The following MATN3 variants were observed in gnomAD, a reference collection of about 807,000 sequenced individuals.
The protein encoded by MATN3 is matrilin 3, also known as matrilin-3.
Under a neutral mutation model 45.3 loss-of-function variants are expected in MATN3, and 48 were observed. That is an observed-to-expected ratio of 1.06 (90% CI 0.84 to 1.35). The LOEUF (loss-of-function observed/expected upper bound fraction) is 1.35, where lower values mean the gene tolerates loss of function less well. Among genes scored for constraint, MATN3 ranks in the 40% most tolerant of loss-of-function variants. MATN3 has a pLI of 0.00. For synonymous variants in MATN3, 217 were observed against 245.9 expected (o/e 0.88, Z 1.10); for missense variants, 599 against 628.0 (o/e 0.95, Z 0.49).
chr2:20,003,208 TCA>T lies in MATN3; in HGVS notation c.867_868del (p.Cys289Ter). 1 of 1,614,000 alleles carries T rather than the reference TCA, an allele frequency of 6.2e-7. No homozygotes were observed. The highest frequency in any genetic ancestry group is 2.2e-5 in the East Asian group (1 of 44,862). ...ATTCAAGGTGTATCCTTGGCTACAC[TCA>T]CAGTGGTGCTTGCCTTCCCCATCAC... On this transcript the variant is annotated stop_gained and frameshift_variant, in exon 3 of 8. Coordinates refer to ENST00000407540, the MANE Select transcript of MATN3 (RefSeq NM_002381.5). LOFTEE classifies it high-confidence loss of function.
chr2:20,009,748 C>A lies in MATN3; in HGVS notation c.223+2661G>T, dbSNP rs910139580. On this transcript the variant is annotated intron_variant, in intron 1 of 7. Coordinates refer to ENST00000407540, the MANE Select transcript of MATN3 (RefSeq NM_002381.5). ...TCAAAAGAACATTGGTCTTTACAGTCTTTTATCTTAACCTGAACATTTCCT... is the reference window on the plus strand; with the variant it reads ...TCAAAAGAACATTGGTCTTTACAGTATTTTATCTTAACCTGAACATTTCCT... Among the ~76,000 whole-genome samples the A allele has an allele frequency of 2.0e-5, 3 of 152,254 alleles. No individual in the cohort carries two copies. In the South Asian group the frequency reaches 6.2e-4, roughly 32 times the overall value.
intron 5 of MATN3, chr2:19,997,483 T>G: frequency 2.4e-6 from 1 of 421,992 alleles, no homozygotes; most frequent in Non-Finnish European, 4.2e-6. Flanking sequence ...TTTATATCTC[T>G]CACAGATATC....
chr2:20,000,221 C>T (rs1672958604), intron 5 of MATN3, among the ~76,000 whole-genome samples: 1 of 152,138 alleles, frequency 6.6e-6, no homozygotes, highest in South Asian at 2.1e-4. Context: ...TTTCTCATAT[C>T]CCCCACTCCC....
At chr2:20,007,664 G>T (rs1673135096) in intron 1 of MATN3, among the ~76,000 whole-genome samples, 1 of 152,136 alleles carries the variant, frequency 6.6e-6, no homozygotes, top group Non-Finnish European at 1.5e-5. Flanking sequence ...AACTCTCTTG[G>T]TCATCTCTCT....
intron 3 of MATN3, among the ~76,000 whole-genome samples, chr2:20,002,615 C>A (rs987539805): frequency 3.3e-5 from 5 of 152,038 alleles, no homozygotes; most frequent in Non-Finnish European, 1.5e-5. Flanking sequence ...TGTGTGGGTT[C>A]TGTTTTCTGA....
At chr2:19,997,097 C>T in intron 6 of MATN3, 37 bp downstream of exon 6, 1 of 1,604,322 alleles carries the variant, frequency 6.2e-7, no homozygotes, top group South Asian at 1.1e-5. Context: ...AAAAATTTTC[C>T]TACCAAAGGA....
intron 4 of MATN3, 92 bp downstream of exon 4, chr2:20,001,863 C>A: frequency 7.7e-7 from 1 of 1,292,642 alleles, no homozygotes; most frequent in Non-Finnish European, 1.1e-6. Context: ...GGAAAACACA[C>A]CAACTTCCCA....
chr2:20,010,066 C>CAAAAAAAAAAAAAAAAAA (rs1558376342), intron 1 of MATN3, among the ~76,000 whole-genome samples: 7 of 5,550 alleles, frequency 1.3e-3, no homozygotes, highest in East Asian at 0.021. Context: ...TCTTCAAATA[C>CAAAAAAAAAAAAAAAAAA]TAAAAAAAAA....
In MATN3 at chr2:20,000,569, G is replaced by T; in HGVS notation, c.1043-3C>A. The stretch of plus-strand genomic sequence containing the variant: ...ACCCAAAGCACATTTATCTTGAGCT[G>T]TGAAACAAAAAGTCAGGAGAAAAGA... On this transcript the variant is annotated splice_region_variant and splice_polypyrimidine_tract_variant and intron_variant, in intron 4 of 7. Transcript: ENST00000407540. 1 of 1,604,582 alleles carries T rather than the reference G, an allele frequency of 6.2e-7. No homozygotes were observed. The highest frequency in any genetic ancestry group is 1.7e-4 in the Middle Eastern group (1 of 6,048).
rs373957572 is a variant in MATN3, at chr2:19,997,140, A to T, written c.1288T>A (p.Cys430Ser). 1 of 1,613,710 alleles carries T rather than the reference A, an allele frequency of 6.2e-7. No homozygotes were observed. Among genetic ancestry groups the T allele is most frequent in the African/African-American group, 1.3e-5 (1 of 75,036 alleles). ...GYTLNEDKKT[C>S]SATEEARRLV... ...TTAAAGGGCTGATCCTCACCTGAACATGTTTTCTTGTCCTCATTTAAGGTG... is the reference window on the plus strand; with the variant it reads ...TTAAAGGGCTGATCCTCACCTGAACTTGTTTTCTTGTCCTCATTTAAGGTG... Residue 430 changes from cysteine (C) to serine (S), a missense_variant, in exon 6 of 8, where the codon TGT becomes AGT. Cys to Ser is a moderately radical substitution (Grantham distance 112). Transcript: ENST00000407540.
At chr2:20,002,385 C>CA (rs1417544830) in intron 3 of MATN3, among the ~76,000 whole-genome samples, 2 of 151,918 alleles carry the variant, frequency 1.3e-5, no homozygotes, top group Non-Finnish European at 2.9e-5. Context: ...AAAAACAAAA[C>CA]AAAAAAATAT....
At position 20,012,526 on chromosome 2, in the gene MATN3, A is replaced by C. The variant is rs899785393; in HGVS notation, c.106T>G (p.Phe36Val). ...GGACCTCGGGTCTCCAGCCTCCGGA[A>C]GCCCGGGCGGGCCACGGGGTCGGGG... ...AAPDPVARPG[F>V]RRLETRGPGG... is the part of the protein sequence containing the mutation. Residue 36 changes from phenylalanine (F) to valine (V), a missense_variant, in exon 1 of 8, where the codon TTC becomes GTC. By Grantham distance (50) the Phe-to-Val change is conservative. Coordinates refer to ENST00000407540, the MANE Select transcript of MATN3 (RefSeq NM_002381.5). The surrounding 1 kb of genome is among the most constrained non-coding windows in gnomAD (Gnocchi z 4.3). 8.1e-7 allele frequency: 1 copy of C among 1,227,420 alleles called. No individual in the cohort carries two copies. The highest frequency in any genetic ancestry group is 1.0e-6 in the Non-Finnish European group (1 of 985,346). The allele number at this position is 1,227,420 out of a possible 1,614,324, so 76.0% of individuals were successfully genotyped here.
At chr2:19,994,170 T>C in intron 7 of MATN3, 129 bp downstream of exon 7, 1 of 617,776 alleles carries the variant, frequency 1.6e-6, no homozygotes, top group South Asian at 2.1e-5. Context: ...TAAAGTTGTA[T>C]ATTACCACTG....
rs761879729 is a variant in MATN3 at position 20,005,940 on chromosome 2, C to T, written c.594G>A (p.Arg198=). The change falls in exon 2 of 8, where the codon AGG becomes AGA. Residue 198 remains arginine (R), a synonymous_variant. Coordinates refer to ENST00000407540, the MANE Select transcript of MATN3 (RefSeq NM_002381.5). ...PKVAIIVTDG[R]PQDQVNEVAA... is the part of the protein sequence containing the mutation. ...CCACCTCATTCACCTGGTCCTGGGG[C>T]CTCCCATCTGTAACAATGATGGCCA... is the stretch of plus-strand genomic sequence containing the variant. 3.1e-6 allele frequency: 5 copies of T among 1,613,854 alleles called. No homozygotes were observed. Among genetic ancestry groups the T allele is most frequent in the Non-Finnish European group, 4.2e-6 (5 of 1,179,816 alleles).
intron 1 of MATN3, among the ~76,000 whole-genome samples, chr2:20,007,821 T>C (rs1169279984): frequency 6.6e-6 from 1 of 152,248 alleles, no homozygotes; most frequent in African/African-American, 2.4e-5. Flanking sequence ...AACAGTTTAG[T>C]ATCACAGTAC....
chr2:20,002,253 C>G lies in MATN3; in HGVS notation c.917-173G>C, dbSNP rs184530732. Reference sequence around the variant, plus strand: ...GGGAACCAACCCTCCGGTCTTGGCTCTTTCACTAAGAGACCCTGTGACATA... The same window carrying G: ...GGGAACCAACCCTCCGGTCTTGGCTGTTTCACTAAGAGACCCTGTGACATA... On this transcript the variant is annotated intron_variant, in intron 3 of 7. Transcript: ENST00000407540. Among the ~76,000 whole-genome samples the G allele has an allele frequency of 1.2e-4, 19 of 152,218 alleles. No homozygotes were observed. The East Asian group carries it at 3.1e-3, about 25-fold the overall frequency.
intron 6 of MATN3, among the ~76,000 whole-genome samples, chr2:19,996,078 G>A (rs1358812685): frequency 6.6e-6 from 1 of 152,134 alleles, no homozygotes; most frequent in Non-Finnish European, 1.5e-5. Flanking sequence ...AGCAGGGCAT[G>A]GGTTCAGTGG....
At chr2:20,006,803 C>A (rs1262320484) in intron 1 of MATN3, among the ~76,000 whole-genome samples, 3 of 152,198 alleles carry the variant, frequency 2.0e-5, no homozygotes, top group East Asian at 3.9e-4. Context: ...CTTCTGGTGG[C>A]CCCCCTCTTT....
chr2:20,001,572 CTGA>C (rs1672983956), intron 4 of MATN3, among the ~76,000 whole-genome samples: 1 of 152,186 alleles, frequency 6.6e-6, no homozygotes, highest in Non-Finnish European at 1.5e-5. Flanking sequence ...TGTGTCATCA[CTGA>C]TGATGTTAAC....
Sources: gnomAD v4.1 joint callset for allele counts (sites outside exome capture counted in the v4.1 genomes callset) on GRCh38, gnomAD v4.1.1 for gene constraint, Gnocchi (gnomAD v3.1) non-coding constraint, MANE v1.5 for transcripts, NCBI Gene and HGNC (gene_info 2026-07-23, HGNC 2026-07-21) for gene names.